The following RUNX2 variants were observed in gnomAD, a reference collection of about 807,000 sequenced individuals.
The protein encoded by RUNX2 is runt-related transcription factor 2.
Under a neutral mutation model 51.7 loss-of-function variants are expected in RUNX2, and 10 were observed. The observed-to-expected ratio is 0.19, with a 90% CI of 0.12 to 0.33. The LOEUF (loss-of-function observed/expected upper bound fraction) is 0.33, where lower values mean the gene tolerates loss of function less well. RUNX2 is among the 10% of genes least tolerant of loss of function. The probability of loss-of-function intolerance (pLI) is 1.00; values close to 1 mark genes in which losing one functional copy is unlikely to be tolerated. For missense variants in RUNX2, 562 were observed against 691.3 expected, an observed-to-expected ratio of 0.81 and a Z score of 2.10; for synonymous variants, 276 against 273.6, an observed-to-expected ratio of 1.01 and a Z score of -0.09.
chr6:45,395,268 G>A (rs1220422124), intron 2 of RUNX2, among the ~76,000 whole-genome samples: 1 of 152,108 alleles, frequency 6.6e-6, no homozygotes, highest in African/African-American at 2.4e-5. Flanking sequence ...CTCTTTACAT[G>A]TCACATTGGA....
chr6:45,500,467 G>A (rs993795162), intron 6 of RUNX2, among the ~76,000 whole-genome samples: 53 of 152,122 alleles, frequency 3.5e-4, no homozygotes, highest in Admixed American at 3.2e-3. Flanking sequence ...AAGATTTAAC[G>A]GAAGAATCAG....
intron 2 of RUNX2, chr6:45,421,612 CTG>C (rs1798190454): frequency 6.6e-6 from 1 of 152,268 alleles, no homozygotes; most frequent in Non-Finnish European, 1.5e-5. Context: ...CGGGGGCTCT[CTG>C]GTGTCTCGGC....
intron 2 of RUNX2, among the ~76,000 whole-genome samples, chr6:45,361,035 G>A (rs1244581309): frequency 2.0e-5 from 3 of 152,208 alleles, no homozygotes; most frequent in African/African-American, 7.2e-5. Context: ...CTACTCAGGA[G>A]ATGGGGGCAG....
chr6:45,394,619 G>A (rs1379994045), intron 2 of RUNX2, among the ~76,000 whole-genome samples: 1 of 152,160 alleles, frequency 6.6e-6, no homozygotes, highest in African/African-American at 2.4e-5. Context: ...TCCCTGGGCT[G>A]TGAACTTCAC....
At chr6:45,436,471 G>A (rs189586581) in intron 4 of RUNX2, among the ~76,000 whole-genome samples, 1 of 152,218 alleles carries the variant, frequency 6.6e-6, no homozygotes, top group Non-Finnish European at 1.5e-5. Flanking sequence ...TTGAGATAAT[G>A]TGTATGAAGT....
At chr6:45,526,055 C>A (rs1234058412) in intron 7 of RUNX2, among the ~76,000 whole-genome samples, 1 of 151,632 alleles carries the variant, frequency 6.6e-6, no homozygotes, top group South Asian at 2.1e-4. Context: ...AGCATTTAAT[C>A]GAAGAACTAA....
In RUNX2 at chr6:45,547,154, C is replaced by T. The variant is rs1173869662; in HGVS notation, c.1415C>T (p.Pro472Leu). The T allele has an allele frequency of 6.2e-7, 1 of 1,614,014 alleles. No homozygotes were observed. Among genetic ancestry groups the T allele is most frequent in the Non-Finnish European group, 8.5e-7 (1 of 1,180,046 alleles). ...CGGTCTCCTTCCAGAATGCTTCCGC[C>T]ATGCACCACCACCTCGAATGGCAGC... ...GDRSPSRMLPPCTTTSNGSTL... is the reference protein window; with the variant it reads ...GDRSPSRMLPLCTTTSNGSTL... The change falls in exon 9 of 9, where the codon CCA becomes CTA. Residue 472 changes from proline to leucine, a missense_variant. Pro to Leu is a moderately conservative substitution (Grantham distance 98, BLOSUM62 -3). Coordinates refer to ENST00000647337, the MANE Select transcript of RUNX2 (RefSeq NM_001024630.4).
chr6:45,470,886 G>T (rs547595398), intron 5 of RUNX2, among the ~76,000 whole-genome samples: 97 of 152,240 alleles, frequency 6.4e-4, no homozygotes, highest in African/African-American at 2.1e-3. Flanking sequence ...AGTTTCCATA[G>T]AAATTAAACT....
intron 5 of RUNX2, among the ~76,000 whole-genome samples, chr6:45,487,744 T>C (rs1441837969): frequency 6.6e-6 from 1 of 152,242 alleles, no homozygotes; most frequent in Non-Finnish European, 1.5e-5. Context: ...AAATATTTAC[T>C]GAGCACCCAC....
At position 45,529,457 on chromosome 6, in the gene RUNX2, C is replaced by A. The variant is rs923874616; in HGVS notation, c.1022-15760C>A. On this transcript the variant is annotated intron_variant, in intron 7 of 8. Transcript: ENST00000647337. ...AGAATAATTCTCAGAGCTCCAAAAA[C>A]TTCATAGATTGGAGCTTCGGATGAT... is the stretch of plus-strand genomic sequence containing the variant. Among the ~76,000 whole-genome samples the A allele has an allele frequency of 1.6e-4, 25 of 151,990 alleles. 1 individual carries two copies. Among genetic ancestry groups the A allele is most frequent in the Admixed American group, 1.4e-3 (22 of 15,260 alleles).
chr6:45,395,749 C>A (rs1324269134), intron 2 of RUNX2, among the ~76,000 whole-genome samples: 1 of 152,194 alleles, frequency 6.6e-6, no homozygotes, highest in Non-Finnish European at 1.5e-5. Context: ...CTCACTGCAA[C>A]CTCCACTTCC....
chr6:45,331,126 TGC>T (rs1352072883), intron 2 of RUNX2, among the ~76,000 whole-genome samples: 6,089 of 132,782 alleles, frequency 0.046, 379 homozygotes, highest in African/African-American at 0.15. Flanking sequence ...TGTGTGTGTG[TGC>T]GCGCGCGCGC....
intron 2 of RUNX2, among the ~76,000 whole-genome samples, chr6:45,403,156 A>C (rs1368239446): frequency 6.7e-6 from 1 of 149,736 alleles, no homozygotes; most frequent in East Asian, 2.0e-4. Flanking sequence ...GGATTTAAGG[A>C]TTTATTTTAT....
chr6:45,540,124 A>G (rs1802170718), intron 7 of RUNX2, among the ~76,000 whole-genome samples: 1 of 152,156 alleles, frequency 6.6e-6, no homozygotes, highest in South Asian at 2.1e-4. Context: ...CACCAGGAAG[A>G]GGGGCCATGC....
At chr6:45,452,140 T>C (rs935827723) in intron 5 of RUNX2, among the ~76,000 whole-genome samples, 7 of 152,130 alleles carry the variant, frequency 4.6e-5, no homozygotes, top group African/African-American at 1.7e-4. Context: ...ATAGAAAAGG[T>C]AGGGGGCTTT....
chr6:45,427,910 A>G (rs932568841), intron 3 of RUNX2, among the ~76,000 whole-genome samples: 5 of 152,180 alleles, frequency 3.3e-5, no homozygotes, highest in African/African-American at 4.8e-5. Context: ...TGCAAGCCAC[A>G]TATCATGTGA....
At chr6:45,525,055 G>A (rs6932037) in intron 7 of RUNX2, among the ~76,000 whole-genome samples, 53,219 of 152,054 alleles carry the variant, frequency 0.35, 10,585 homozygotes, top group African/African-American at 0.55. Context: ...AGGTTGCAGT[G>A]AGCCAAGATT....
intron 6 of RUNX2, among the ~76,000 whole-genome samples, chr6:45,502,011 G>A (rs1800811942): frequency 1.3e-5 from 2 of 152,332 alleles, no homozygotes; most frequent in South Asian, 2.1e-4. Context: ...TTTAACAGCT[G>A]TCATGTGGAG....
chr6:45,334,449 C>CAAA (rs551014969), intron 2 of RUNX2, among the ~76,000 whole-genome samples: 7 of 91,752 alleles, frequency 7.6e-5, no homozygotes, highest in Non-Finnish European at 1.3e-4. Context: ...TCAGGAAAAG[C>CAAA]AAAAAAAAAA....
Sources: allele counts gnomAD v4.1 joint callset (sites outside exome capture counted in the v4.1 genomes callset), GRCh38; gene constraint gnomAD v4.1.1; transcripts MANE v1.5; gene names NCBI Gene and HGNC (gene_info 2026-07-23, HGNC 2026-07-21).